Variants in HOOK1 observed in about 807,000 individuals in gnomAD.
HOOK1 encodes the protein hook microtubule tethering protein 1, also known as protein Hook homolog 1.
Under a neutral mutation model 112.8 loss-of-function variants are expected in HOOK1, and 60 were observed. The observed-to-expected ratio is 0.53, with a 90% CI of 0.43 to 0.66. The LOEUF (loss-of-function observed/expected upper bound fraction) is 0.66, where lower values mean the gene tolerates loss of function less well. Among genes scored for constraint, HOOK1 ranks in the 30% least tolerant of loss-of-function variants. The pLI is 0.00. For missense variants in HOOK1, 770 were observed against 856.0 expected, an observed-to-expected ratio of 0.90 and a Z score of 1.25; for synonymous variants, 294 against 283.8, an observed-to-expected ratio of 1.04 and a Z score of -0.36.
intron 1 of HOOK1, among the ~76,000 whole-genome samples, chr1:59,818,055 G>A (rs1401691922): frequency 6.6e-6 from 1 of 152,156 alleles, no homozygotes; most frequent in African/African-American, 2.4e-5. Context: ...ACTTGGGAGT[G>A]AATTTTTAAC....
intron 2 of HOOK1, among the ~76,000 whole-genome samples, chr1:59,828,355 A>G (rs1384190377): frequency 6.6e-6 from 1 of 152,184 alleles, no homozygotes; most frequent in Non-Finnish European, 1.5e-5. Flanking sequence ...TAATAGTATC[A>G]CTCAGGGCAA....
Position 59,833,432 on chromosome 1 carries a change from C to T in HOOK1, c.301C>T (p.Leu101Phe), listed in dbSNP as rs764797480. 1 of 1,559,272 alleles carries T rather than the reference C, an allele frequency of 6.4e-7. No individual in the cohort carries two copies. Among genetic ancestry groups the T allele is most frequent in the South Asian group, 1.2e-5 (1 of 82,064 alleles). ...EFLGQQISEA[L>F]IPDLNQITEC... ...TTTGGGGCAGCAGATTTCAGAAGCACTTATCCCTGATTTAAACCAAATAAC... is the reference window on the plus strand; with the variant it reads ...TTTGGGGCAGCAGATTTCAGAAGCATTTATCCCTGATTTAAACCAAATAAC... Residue 101 changes from leucine to phenylalanine, a missense_variant, in exon 5 of 22, where the codon CTT (leucine) becomes TTT (phenylalanine). Physicochemically the swap from Leu to Phe is conservative, Grantham distance 22. Transcript: ENST00000371208.
At position 59,849,082 on chromosome 1, in the gene HOOK1, C is replaced by A; in HGVS notation, c.1141C>A (p.Leu381Ile). The A allele has an allele frequency of 1.2e-6, 2 of 1,604,052 alleles. No individual in the cohort carries two copies. Among genetic ancestry groups the A allele is most frequent in the East Asian group, 4.5e-5 (2 of 44,622 alleles). Residue 381 changes from leucine to isoleucine, a missense_variant, in exon 12 of 22, where the codon CTT becomes ATT. Leu to Ile is a conservative substitution (Grantham distance 5, BLOSUM62 2). Transcript: ENST00000371208. The part of the protein sequence containing the change: ...LETYKRQVQD[L>I]HVKLSSESKR... ...TTGTTTCTGACATTAGGTTCAAGAT[C>A]TTCATGTTAAACTTTCCTCCGAATC...
chr1:59,848,566 T>C, intron 11 of HOOK1, 50 bp downstream of exon 11: 1 of 1,318,966 alleles, frequency 7.6e-7, no homozygotes, highest in African/African-American at 1.5e-5. Flanking sequence ...AGTTTAACTT[T>C]GTTATTCCTT....
chr1:59,817,548 C>G (rs1169262759), intron 1 of HOOK1, among the ~76,000 whole-genome samples: 1 of 152,116 alleles, frequency 6.6e-6, no homozygotes, highest in East Asian at 1.9e-4. Flanking sequence ...TCTTACCTCA[C>G]CTACCCAACT....
chr1:59,835,514 G>T (rs1559048354), intron 6 of HOOK1, 102 bp downstream of exon 6: 16 of 710,248 alleles, frequency 2.3e-5, no homozygotes, highest in Admixed American at 1.3e-4. Flanking sequence ...GCTCTTTGTT[G>T]TAAGTTTACT....
rs1210091623 is a variant in HOOK1, at chr1:59,815,242, C to T, written c.63+62C>T. On this transcript the variant is annotated intron_variant, in intron 1 of 21. Transcript: ENST00000371208. ...GGGCCGAGGCGAGGAGCCTGGGGCG[C>T]CCGGTTCTCCCAGGTGAGCTGGGGC... 4 of 1,472,742 alleles carry T rather than the reference C, an allele frequency of 2.7e-6. No individual in the cohort carries two copies. In the African/African-American group the frequency reaches 5.6e-5, roughly 21 times the overall value. 91.2% of individuals were successfully genotyped at this position (1,472,742 alleles called of 1,614,324 possible). A position where few individuals can be genotyped will look rare whatever the true frequency, so the allele number is the denominator to read the frequency against.
At position 59,862,825 on chromosome 1, in the gene HOOK1, A is replaced by C; in HGVS notation, c.1574A>C (p.Glu525Ala). 6.2e-7 allele frequency: 1 copy of C among 1,612,398 alleles called. No individual in the cohort carries two copies. Among genetic ancestry groups the C allele is most frequent in the Non-Finnish European group, 8.5e-7 (1 of 1,178,540 alleles). ...ATTAGAGAATTGCAGCAGCAGATTGAGGACCTCCAGAAATCTTTACAGGAA... is the reference window on the plus strand; with the variant it reads ...ATTAGAGAATTGCAGCAGCAGATTGCGGACCTCCAGAAATCTTTACAGGAA... Reference protein sequence around the residue: ...ERIRELQQQIEDLQKSLQEQG... With the variant: ...ERIRELQQQIADLQKSLQEQG... The change falls in exon 16 of 22, where the codon GAG becomes GCG. Residue 525 changes from glutamate to alanine, a missense_variant. Physicochemically the swap from Glu to Ala is moderately radical, Grantham distance 107 (BLOSUM62 -1). This residue lies in a region of HOOK1 where 655 missense variants were observed against 725.9 expected (regional missense o/e 0.90). Coordinates refer to ENST00000371208, the MANE Select transcript of HOOK1 (RefSeq NM_015888.6).
chr1:59,815,289 C>T lies in HOOK1; in HGVS notation c.63+109C>T, dbSNP rs546157824. 674 of 1,055,384 alleles carry T rather than the reference C, an allele frequency of 6.4e-4. 11 individuals are homozygous for T. The Admixed American group carries it at 9.9e-3, about 15-fold the overall frequency. 65.4% of individuals were successfully genotyped at this position (1,055,384 alleles called of 1,614,324 possible). A position where few individuals can be genotyped will look rare whatever the true frequency, so the allele number is the denominator to read the frequency against. On this transcript the variant is annotated intron_variant, in intron 1 of 21. Coordinates refer to ENST00000371208, the MANE Select transcript of HOOK1 (RefSeq NM_015888.6). ...GGGCTACCTGCACAGGGTCCCGGCG[C>T]ACCCTGCCCTTCTCACCTCGTGCCC... is the stretch of plus-strand genomic sequence containing the variant.
chr1:59,833,735 T>A (rs1297963252), intron 5 of HOOK1, among the ~76,000 whole-genome samples, 198 bp downstream of exon 5: 1 of 152,212 alleles, frequency 6.6e-6, no homozygotes, highest in African/African-American at 2.4e-5. Flanking sequence ...TGGATTCTGA[T>A]ATTCATATTC....
intron 1 of HOOK1, among the ~76,000 whole-genome samples, chr1:59,815,757 A>G (rs184511689): frequency 7.2e-5 from 11 of 152,146 alleles, no homozygotes. Context: ...TATTTCCCGT[A>G]TGGAGAAAAA....
At chr1:59,837,922 C>T (rs1050649171) in intron 7 of HOOK1, among the ~76,000 whole-genome samples, 1 of 152,072 alleles carries the variant, frequency 6.6e-6, no homozygotes, top group African/African-American at 2.4e-5. Context: ...TCAACTCCCA[C>T]TTATGAGTGA....
rs1204298934 is a variant in HOOK1, at chr1:59,815,868, CTTTAGGATTTATCTGTG to C, written c.63+699_63+715del. Among the ~76,000 whole-genome samples the C allele has an allele frequency of 2.0e-5, 3 of 151,858 alleles. No homozygotes were observed. In the East Asian group the frequency reaches 5.8e-4, roughly 30 times the overall value. On this transcript the variant is annotated intron_variant, in intron 1 of 21. Transcript: ENST00000371208. ...TTAAAGAAAATGAGTTGACATTTTT[CTTTAGGATTTATCTGTG>C]TTTAGGATTTTTGTTAATTTGTGTT...
chr1:59,875,271 A>C lies in HOOK1; in HGVS notation c.*2306A>C, dbSNP rs1261755229. On this transcript the variant is annotated 3_prime_UTR_variant, in exon 22 of 22. Transcript: ENST00000371208. ...TAAATCATGCAATTTCTGAATAAGGACATAAGGCTAGATTCATTTTTCTTA... is the reference window on the plus strand; with the variant it reads ...TAAATCATGCAATTTCTGAATAAGGCCATAAGGCTAGATTCATTTTTCTTA... The C allele has an allele frequency of 1.3e-5, 2 of 152,566 alleles. No individual in the cohort carries two copies. The highest frequency in any genetic ancestry group is 2.9e-5 in the Non-Finnish European group (2 of 67,990). 9.5% of individuals were successfully genotyped at this position (152,566 alleles called of 1,614,324 possible).
chr1:59,844,387 A>G (rs574945343), intron 9 of HOOK1, among the ~76,000 whole-genome samples: 14 of 152,016 alleles, frequency 9.2e-5, no homozygotes, highest in African/African-American at 3.1e-4. Flanking sequence ...TTTTCACATT[A>G]TTGTGAAAAA....
intron 3 of HOOK1, 24 bp from the exon 4 acceptor site, chr1:59,832,139 A>C (rs776153821): frequency 3.0e-6 from 4 of 1,319,640 alleles, no homozygotes; most frequent in Non-Finnish European, 4.2e-6. Flanking sequence ...CTGAAATAAG[A>C]ATCTCTTATT....
At chr1:59,848,628 T>TC in intron 11 of HOOK1, 112 bp downstream of exon 11, 1 of 685,860 alleles carries the variant, frequency 1.5e-6, no homozygotes, top group Non-Finnish European at 2.5e-6. Flanking sequence ...TGTAATAAGC[T>TC]ATGAACTTAT....
In HOOK1 at chr1:59,815,139, C is replaced by T. The variant is rs2098380196; in HGVS notation, c.22C>T (p.Pro8Ser). The change falls in exon 1 of 22, where the codon CCG becomes TCG. Residue 8 changes from proline (P) to serine (S), a missense_variant. Pro to Ser is a moderately conservative substitution (Grantham distance 74). Coordinates refer to ENST00000371208, the MANE Select transcript of HOOK1 (RefSeq NM_015888.6). ...GGCCATGGAGGAGACGCAGCCGCCG[C>T]CGCAGCCTAAGCTGCCCCTGTGCGA... MEETQPP[P>S]QPKLPLCDSL... 2 of 1,542,872 alleles carry T rather than the reference C, an allele frequency of 1.3e-6. No homozygotes were observed. The highest frequency in any genetic ancestry group is 1.4e-5 in the African/African-American group (1 of 73,136).
intron 15 of HOOK1, among the ~76,000 whole-genome samples, chr1:59,860,796 C>T (rs1242608541): frequency 2.1e-5 from 3 of 145,134 alleles, no homozygotes; most frequent in Non-Finnish European, 4.5e-5. Flanking sequence ...TTTTTTGAGA[C>T]GGAGTCTTGC....
Sources: gnomAD v4.1 joint callset for allele counts (sites outside exome capture counted in the v4.1 genomes callset) on GRCh38, gnomAD v4.1.1 for gene constraint, gnomAD v4.1.1 regional missense constraint, MANE v1.5 for transcripts, NCBI Gene and HGNC (gene_info 2026-07-23, HGNC 2026-07-21) for gene names.